Variants in PSD3 observed in about 807,000 individuals in gnomAD.
PSD3 encodes the protein pleckstrin and Sec7 domain containing 3, also known as PH and SEC7 domain-containing protein 3.
A neutral mutation model predicts 105.5 loss-of-function variants in PSD3; 49 were observed. The observed-to-expected ratio is 0.46, with a 90% CI of 0.37 to 0.59. The LOEUF is 0.59. PSD3 is among the 20% of genes least tolerant of loss of function. The pLI is 0.00. For missense variants in PSD3, 1,561 were observed against 1,263.8 expected (o/e 1.24, Z -3.57); for synonymous variants, 557 against 457.8 (o/e 1.22, Z -2.77).
intron 4 of PSD3, chr8:18,865,265 TATATATATATATATA>T (rs1563360362): frequency 0.019 from 142 of 7,662 alleles, 26 homozygotes; most frequent in East Asian, 0.063. Context: ...TATATATATA[TATATATATATATATA>T]TATATATTTT....
chr8:18,905,757 A>G (rs1474884524), intron 2 of PSD3, among the ~76,000 whole-genome samples: 2 of 152,166 alleles, frequency 1.3e-5, no homozygotes, highest in East Asian at 3.8e-4. Flanking sequence ...TAGTATTCTG[A>G]AGTCAAAAGG....
chr8:18,634,719 T>G lies in PSD3; in HGVS notation c.2217-1913A>C, dbSNP rs140753125. Among the ~76,000 whole-genome samples the G allele has an allele frequency of 1.9e-4, 29 of 152,280 alleles. No homozygotes were observed. In the East Asian group the frequency reaches 5.4e-3, roughly 28 times the overall value. On this transcript the variant is annotated intron_variant, in intron 10 of 15. Coordinates refer to ENST00000327040, the MANE Select transcript of PSD3 (RefSeq NM_015310.4). ...TTTCTGATGTTTTCTCATGACTGGA[T>G]AGACGTTATGCATTTTTTGGGGAAA... is the stretch of plus-strand genomic sequence containing the variant.
intron 11 of PSD3, among the ~76,000 whole-genome samples, chr8:18,625,478 T>A (rs1016022533): frequency 1.3e-5 from 2 of 152,056 alleles, no homozygotes; most frequent in African/African-American, 4.8e-5. Flanking sequence ...AATGCCTACA[T>A]CCAGGCAATT....
In PSD3 at chr8:18,867,932, T is replaced by A; in HGVS notation, c.1376A>T (p.Glu459Val). 1.9e-6 allele frequency: 3 copies of A among 1,614,204 alleles called. No homozygotes were observed. Among genetic ancestry groups the A allele is most frequent in the Non-Finnish European group, 2.5e-6 (3 of 1,180,034 alleles). Reference protein sequence around the residue: ...LDNTSLYYSAESLETLYSEPD... With the variant: ...LDNTSLYYSAVSLETLYSEPD... ...CTCTGAGTATAATGTCTCCAGGGAC[T>A]CTGCACTGTAGTATAAAGAAGTGTT... Residue 459 changes from glutamate (E) to valine (V), a missense_variant, in exon 4 of 16, where the codon GAG becomes GTG. By Grantham distance (121) the Glu-to-Val change is moderately radical (BLOSUM62 -2). Coordinates refer to ENST00000327040, the MANE Select transcript of PSD3 (RefSeq NM_015310.4).
intron 1 of PSD3, among the ~76,000 whole-genome samples, chr8:18,966,028 T>C (rs1824222339): frequency 6.6e-6 from 1 of 152,146 alleles, no homozygotes; most frequent in African/African-American, 2.4e-5. Flanking sequence ...TAATCTCCCA[T>C]ATAAGATGGA....
At chr8:18,605,495 AC>A (rs1307711173) in intron 11 of PSD3, among the ~76,000 whole-genome samples, 1 of 152,176 alleles carries the variant, frequency 6.6e-6, no homozygotes, top group Admixed American at 6.5e-5. Flanking sequence ...GGTAGAAGGA[AC>A]TAGCTTTGTC....
intron 9 of PSD3, among the ~76,000 whole-genome samples, chr8:18,682,201 T>C (rs540133488): frequency 6.6e-6 from 1 of 152,264 alleles, no homozygotes; most frequent in African/African-American, 2.4e-5. Flanking sequence ...ATCATGAGGA[T>C]AGGTAGTAGG....
intron 9 of PSD3, among the ~76,000 whole-genome samples, chr8:18,727,958 T>G (rs1803456132): frequency 6.6e-6 from 1 of 152,034 alleles, no homozygotes; most frequent in Non-Finnish European, 1.5e-5. Context: ...ACATATTCCA[T>G]GAGGGCAGGG....
intron 4 of PSD3, among the ~76,000 whole-genome samples, chr8:18,842,485 GCACTC>G (rs1814707151): frequency 1.3e-5 from 2 of 152,216 alleles, no homozygotes; most frequent in South Asian, 4.1e-4. Flanking sequence ...TGTAATCCCA[GCACTC>G]GGGGAGTCCG....
At chr8:18,754,199 T>C (rs756961577) in intron 9 of PSD3, among the ~76,000 whole-genome samples, 1 of 152,018 alleles carries the variant, frequency 6.6e-6, no homozygotes, top group Non-Finnish European at 1.5e-5. Context: ...GCCTGACCAA[T>C]ATGGTGAAAC....
intron 6 of PSD3, among the ~76,000 whole-genome samples, chr8:18,804,091 A>G (rs982069247): frequency 3.3e-5 from 5 of 152,166 alleles, no homozygotes; most frequent in African/African-American, 1.2e-4. Context: ...CATTTCGTTA[A>G]ATGAATACGT....
At chr8:18,811,995 T>C (rs577105622) in intron 4 of PSD3, among the ~76,000 whole-genome samples, 3 of 152,364 alleles carry the variant, frequency 2.0e-5, no homozygotes, top group East Asian at 3.9e-4. Flanking sequence ...AAATCATTTT[T>C]ATTATTAAAT....
chr8:18,724,175 A>G (rs1389347771), intron 9 of PSD3, among the ~76,000 whole-genome samples: 1 of 152,292 alleles, frequency 6.6e-6, no homozygotes, highest in Non-Finnish European at 1.5e-5. Context: ...TGGATTAGAG[A>G]TCTCAGCATC....
chr8:18,850,196 C>G (rs1407856467), intron 4 of PSD3, among the ~76,000 whole-genome samples: 2 of 152,242 alleles, frequency 1.3e-5, no homozygotes, highest in Admixed American at 6.5e-5. Flanking sequence ...ATGCAAACAT[C>G]TCCCACATAG....
chr8:18,931,045 T>C (rs1232201869), intron 2 of PSD3, among the ~76,000 whole-genome samples: 1 of 152,246 alleles, frequency 6.6e-6, no homozygotes, highest in African/African-American at 2.4e-5. Flanking sequence ...TAACTAATAA[T>C]GTTGAGCATC....
chr8:18,845,470 G>A (rs189904564), intron 4 of PSD3, among the ~76,000 whole-genome samples: 20 of 152,258 alleles, frequency 1.3e-4, no homozygotes, highest in South Asian at 1.0e-3. Flanking sequence ...TGCATAGCAC[G>A]GCATTCGGAA....
chr8:18,971,949 G>A (rs983148909), intron 1 of PSD3, among the ~76,000 whole-genome samples: 1 of 152,032 alleles, frequency 6.6e-6, no homozygotes, highest in African/African-American at 2.4e-5. Flanking sequence ...AGGTTGCAGT[G>A]AGCCGAGATC....
chr8:19,054,783 A>T (rs1828653902), intron 1 of PSD3, among the ~76,000 whole-genome samples: 1 of 152,242 alleles, frequency 6.6e-6, no homozygotes, highest in Non-Finnish European at 1.5e-5. Context: ...TGATAGCACA[A>T]ACAATATTAA....
intron 9 of PSD3, among the ~76,000 whole-genome samples, chr8:18,701,656 T>C (rs1476944784): frequency 2.6e-5 from 4 of 152,222 alleles, no homozygotes; most frequent in Admixed American, 2.0e-4. Context: ...AGTTCCAAGA[T>C]GTTTAAAGGA....
Sources: allele counts gnomAD v4.1 joint callset (sites outside exome capture counted in the v4.1 genomes callset), GRCh38; gene constraint gnomAD v4.1.1; transcripts MANE v1.5; gene names NCBI Gene and HGNC (gene_info 2026-07-23, HGNC 2026-07-21).